The following SYN3 variants were observed in gnomAD, a reference collection of about 807,000 sequenced individuals.
The protein encoded by SYN3 is synapsin-3.
A neutral mutation model predicts 65.8 loss-of-function variants in SYN3; 35 were observed. The ratio of observed to expected loss-of-function variants is 0.53; its 90% CI spans 0.41 to 0.70. SYN3 has a LOEUF of 0.70. Among genes scored for constraint, SYN3 ranks in the 30% least tolerant of loss-of-function variants. The pLI is 0.00. For synonymous variants in SYN3, 270 were observed against 292.9 expected, an observed-to-expected ratio of 0.92 and a Z score of 0.80; for missense variants, 680 against 749.0, an observed-to-expected ratio of 0.91 and a Z score of 1.08.
In SYN3 at chr22:32,675,744, G is replaced by A. The variant is rs990770096; in HGVS notation, c.712-79008C>T. The stretch of plus-strand genomic sequence containing the variant: ...TGAAGGCTGACAGATTCAGTTGCCT[G>A]CTTTTGTTGTTTTTCTTCTCACTGC... On this transcript the variant is annotated intron_variant, in intron 6 of 13. Coordinates refer to ENST00000358763, the MANE Select transcript of SYN3 (RefSeq NM_003490.4). Among the ~76,000 whole-genome samples, 33 of 151,566 alleles carry A rather than the reference G, an allele frequency of 2.2e-4. 2 individuals carry two copies. The highest frequency in any genetic ancestry group is 7.9e-4 in the Admixed American group (12 of 15,276).
At chr22:32,690,524 G>A (rs1240956868) in intron 6 of SYN3, among the ~76,000 whole-genome samples, 2 of 152,132 alleles carry the variant, frequency 1.3e-5, no homozygotes, top group Non-Finnish European at 2.9e-5. Flanking sequence ...ATTTGGATGG[G>A]GTCACTCTCA....
rs1200973465 is a variant in SYN3 at position 32,535,295 on chromosome 22, C to T, written c.993-1400G>A. ...AATTCCTTAATAATTTTGGAAAAGC[C>T]TCTCCCTCTTATCATAAAATGGGAA... On this transcript the variant is annotated intron_variant, in intron 9 of 13. Coordinates refer to ENST00000358763, the MANE Select transcript of SYN3 (RefSeq NM_003490.4). Among the ~76,000 whole-genome samples the T allele has an allele frequency of 1.6e-4, 24 of 152,162 alleles. 1 individual carries two copies. The highest frequency in any genetic ancestry group is 3.4e-4 in the Non-Finnish European group (23 of 68,032).
chr22:32,687,667 G>A (rs1473166312), intron 6 of SYN3, among the ~76,000 whole-genome samples: 2 of 151,982 alleles, frequency 1.3e-5, no homozygotes, highest in Non-Finnish European at 2.9e-5. Context: ...CCTCCCTCTT[G>A]AGCTCACCTT....
At position 32,515,802 on chromosome 22, in the gene SYN3, A is replaced by AT. The variant is rs1189814611; in HGVS notation, c.1611-1979dup. ...ATTCGAAGAAACTCGGTGCTCCAGG[A>AT]TTTTTTTTTTTTTCGAGATGGAGTC... On this transcript the variant is annotated intron_variant, in intron 13 of 13. Transcript: ENST00000358763. Among the ~76,000 whole-genome samples the AT allele has an allele frequency of 1.8e-3, 265 of 145,372 alleles. 1 individual carries two copies. Among genetic ancestry groups the AT allele is most frequent in the African/African-American group, 4.5e-3 (181 of 39,954 alleles).
chr22:32,518,366 A>AATT, intron 12 of SYN3, 32 bp from the exon 13 acceptor site: 2 of 1,609,726 alleles, frequency 1.2e-6, no homozygotes, highest in South Asian at 2.2e-5. Flanking sequence ...GGTTCAGTTC[A>AATT]ATTTTTTTTC....
chr22:32,575,354 A>G (rs934611375), intron 7 of SYN3, among the ~76,000 whole-genome samples: 33 of 152,148 alleles, frequency 2.2e-4, no homozygotes, highest in African/African-American at 7.5e-4. Context: ...CAGCTTTGAT[A>G]TTGAGATGCG....
intron 7 of SYN3, among the ~76,000 whole-genome samples, chr22:32,557,925 CCAGGT>C (rs2058526691): frequency 6.6e-6 from 1 of 152,180 alleles, no homozygotes; most frequent in Admixed American, 6.5e-5. Context: ...GTAAGTGTCA[CCAGGT>C]CAGAAGTTTT....
At chr22:32,959,527 G>A (rs1439961305) in intron 3 of SYN3, among the ~76,000 whole-genome samples, 1 of 151,800 alleles carries the variant, frequency 6.6e-6, no homozygotes. Context: ...CTCCAGCCTG[G>A]GTGACAGAGT....
intron 4 of SYN3, among the ~76,000 whole-genome samples, chr22:32,915,680 G>A (rs2050168863): frequency 6.6e-6 from 1 of 152,158 alleles, no homozygotes; most frequent in Admixed American, 6.5e-5. Context: ...TACCATTGTG[G>A]GTAAGGGGCA....
chr22:32,837,240 A>G lies in SYN3; in HGVS notation c.711+27675T>C, dbSNP rs1200872963. Reference sequence around the variant, plus strand: ...TTCAAAGGGGCTGTGGTTGAAGACCATGCTGCTATTCTGGTGGCCACTTGT... The same window carrying G: ...TTCAAAGGGGCTGTGGTTGAAGACCGTGCTGCTATTCTGGTGGCCACTTGT... On this transcript the variant is annotated intron_variant, in intron 6 of 13. Transcript: ENST00000358763. The surrounding 1 kb of genome is among the most constrained non-coding windows in gnomAD (Gnocchi z 4.1). 1.3e-5 allele frequency among the ~76,000 whole-genome samples: 2 copies of G among 152,220 alleles called. No individual in the cohort carries two copies. The highest frequency in any genetic ancestry group is 1.5e-5 in the Non-Finnish European group (1 of 68,038).
intron 2 of SYN3, among the ~76,000 whole-genome samples, chr22:32,993,362 T>C (rs536037637): frequency 6.6e-6 from 1 of 152,288 alleles, no homozygotes; most frequent in Admixed American, 6.5e-5. Context: ...TTTGTTTGTT[T>C]TGTTTTGTTT....
intron 6 of SYN3, among the ~76,000 whole-genome samples, chr22:32,599,381 G>GTGCGA (rs954050484): frequency 6.6e-6 from 1 of 151,580 alleles, no homozygotes; most frequent in African/African-American, 2.4e-5. Context: ...GAGTGCAGTG[G>GTGCGA]TGCGATCTCG....
At chr22:32,751,563 G>A (rs999988125) in intron 6 of SYN3, among the ~76,000 whole-genome samples, 2 of 152,174 alleles carry the variant, frequency 1.3e-5, no homozygotes, top group Non-Finnish European at 2.9e-5. Context: ...TGGGTGCCCG[G>A]CAGAACTGGC....
chr22:32,971,406 G>A (rs1381817523), intron 3 of SYN3, among the ~76,000 whole-genome samples: 1 of 152,188 alleles, frequency 6.6e-6, no homozygotes, highest in Non-Finnish European at 1.5e-5. Flanking sequence ...GGTAAGCCAA[G>A]CCAAACAAAT....
intron 6 of SYN3, among the ~76,000 whole-genome samples, chr22:32,811,564 C>T (rs1012997505): frequency 2.6e-5 from 4 of 152,162 alleles, no homozygotes; most frequent in African/African-American, 4.8e-5. Context: ...CACAGTGCTT[C>T]CCACAGGGCA....
At chr22:32,936,897 G>A (rs779244881) in intron 3 of SYN3, among the ~76,000 whole-genome samples, 4 of 152,184 alleles carry the variant, frequency 2.6e-5, no homozygotes, top group African/African-American at 9.7e-5. Flanking sequence ...AGGCAAACTA[G>A]AATAATCAAT....
At chr22:33,008,026 T>C (rs1379758380) in intron 1 of SYN3, among the ~76,000 whole-genome samples, 1 of 152,040 alleles carries the variant, frequency 6.6e-6, no homozygotes, top group East Asian at 1.9e-4. Context: ...AACCTCTACC[T>C]CCCAGATTCA....
chr22:32,906,316 C>A (rs922742415), intron 4 of SYN3, among the ~76,000 whole-genome samples: 38 of 152,230 alleles, frequency 2.5e-4, no homozygotes, highest in African/African-American at 8.9e-4. Flanking sequence ...GAGTGGGGAA[C>A]AGGAACCTGC....
chr22:32,532,847 C>T (rs1005710571), intron 10 of SYN3, among the ~76,000 whole-genome samples: 3 of 151,594 alleles, frequency 2.0e-5, no homozygotes, highest in Admixed American at 2.0e-4. Flanking sequence ...CTTGTGTCAG[C>T]ACCGCCCATG....
Sources: gnomAD v4.1 joint callset for allele counts (sites outside exome capture counted in the v4.1 genomes callset) on GRCh38, gnomAD v4.1.1 for gene constraint, Gnocchi (gnomAD v3.1) non-coding constraint, MANE v1.5 for transcripts, NCBI Gene and HGNC (gene_info 2026-07-23, HGNC 2026-07-21) for gene names.